The following STOX2 variants were observed in gnomAD, a reference collection of about 807,000 sequenced individuals.
The protein encoded by STOX2 is storkhead box 2, also known as storkhead-box protein 2.
In STOX2, 28 loss-of-function variants were observed where a neutral mutation model predicts 60.9. The observed-to-expected ratio is 0.46, with a 90% CI of 0.34 to 0.63. STOX2 has a LOEUF of 0.63. STOX2 is among the 30% of genes least tolerant of loss of function. STOX2 has a pLI of 0.01. For missense variants in STOX2, 1,024 were observed against 1,187.7 expected (o/e 0.86, Z 2.03); for synonymous variants, 472 against 463.9 (o/e 1.02, Z -0.22).
At chr4:183,936,194 G>C (rs972102808) in intron 1 of STOX2, among the ~76,000 whole-genome samples, 8 of 150,918 alleles carry the variant, frequency 5.3e-5, no homozygotes, top group African/African-American at 2.0e-4. Context: ...CTTCCTCCAA[G>C]CCTTGGCAAA....
intron 1 of STOX2, among the ~76,000 whole-genome samples, chr4:183,838,823 C>T (rs1325130155): frequency 6.6e-6 from 1 of 152,196 alleles, no homozygotes; most frequent in Non-Finnish European, 1.5e-5. Context: ...TTTGTTCTGC[C>T]TCCACCTCCT....
chr4:184,010,341 G>A lies in STOX2; in HGVS notation c.1503G>A (p.Leu501=). Residue 501 remains leucine, a synonymous_variant, in exon 3 of 4, where the codon CTG becomes CTA. Coordinates refer to ENST00000308497, the MANE Select transcript of STOX2 (RefSeq NM_020225.3). The surrounding 1 kb of genome is among the most constrained non-coding windows in gnomAD (Gnocchi z 4.5). ...SRSMDNSKGP[L]GASSLGTPED... ...CGATGGATAACTCCAAAGGCCCTCT[G>A]GGTGCTTCTTCTCTAGGGACGCCGG... The A allele has an allele frequency of 6.2e-7, 1 of 1,609,896 alleles. No individual in the cohort carries two copies. Among genetic ancestry groups the A allele is most frequent in the South Asian group, 1.1e-5 (1 of 90,108 alleles).
chr4:183,970,138 A>ACG (rs1352441977), intron 1 of STOX2, among the ~76,000 whole-genome samples: 1 of 39,794 alleles, frequency 2.5e-5, no homozygotes, highest in Non-Finnish European at 5.2e-5. Flanking sequence ...AACTACATGT[A>ACG]CGTGTGTGTG....
chr4:183,904,593 T>C (rs776148011), upstream of STOX2, among the ~76,000 whole-genome samples: 7 of 152,254 alleles, frequency 4.6e-5, no homozygotes, highest in Non-Finnish European at 8.8e-5. Context: ...ACATTTTGAT[T>C]ATGTAAATAT....
At chr4:183,845,006 A>T (rs527341752) in intron 1 of STOX2, among the ~76,000 whole-genome samples, 5 of 152,392 alleles carry the variant, frequency 3.3e-5, no homozygotes, top group South Asian at 2.1e-4. Flanking sequence ...CATAGAAAAC[A>T]TAATAGTCTC....
chr4:183,938,929 A>G (rs7663956), intron 1 of STOX2, among the ~76,000 whole-genome samples: 3 of 151,896 alleles, frequency 2.0e-5, no homozygotes, highest in Non-Finnish European at 4.4e-5. Context: ...AAAATAAAAA[A>G]TTTGTAAAGT....
intron 1 of STOX2, among the ~76,000 whole-genome samples, chr4:183,833,959 G>A (rs1427268689): frequency 4.2e-4 from 60 of 141,386 alleles, no homozygotes; most frequent in African/African-American, 1.5e-3. Context: ...TCCAGCCTGG[G>A]CGACAGAGTG....
intron 1 of STOX2, among the ~76,000 whole-genome samples, chr4:183,895,517 C>T (rs1018983487): frequency 2.0e-5 from 3 of 152,140 alleles, no homozygotes; most frequent in Middle Eastern, 3.2e-3. Context: ...ACATTGCTAA[C>T]GCTCAGTCTC....
At chr4:183,936,278 A>G (rs1742587883) in intron 1 of STOX2, among the ~76,000 whole-genome samples, 2 of 152,192 alleles carry the variant, frequency 1.3e-5, no homozygotes, top group African/African-American at 4.8e-5. Context: ...TGGGGAAGCT[A>G]TAGCCTCGTG....
Position 184,009,338 on chromosome 4 carries a change from G to A in STOX2, c.500G>A (p.Arg167Gln), listed in dbSNP as rs761675581. 5.0e-6 allele frequency: 8 copies of A among 1,613,710 alleles called. No individual in the cohort carries two copies. The highest frequency in any genetic ancestry group is 3.3e-5 in the Admixed American group (2 of 59,988). Reference sequence around the variant, plus strand: ...CATTTGGACGAGAGGATACCTGACCGGTCTCAGTGCACCTCTCCGCAACCC... The same window carrying A: ...CATTTGGACGAGAGGATACCTGACCAGTCTCAGTGCACCTCTCCGCAACCC... Reference protein sequence around the residue: ...WYHLDERIPDRSQCTSPQPGT... With the variant: ...WYHLDERIPDQSQCTSPQPGT... Residue 167 changes from arginine to glutamine, a missense_variant, in exon 3 of 4, where the codon CGG becomes CAG. Physicochemically the swap from Arg to Gln is conservative, Grantham distance 43. Coordinates refer to ENST00000308497, the MANE Select transcript of STOX2 (RefSeq NM_020225.3). This position sits in a 1 kb window ranked among gnomAD's most constrained non-coding sequence, Gnocchi z 4.0.
chr4:184,006,152 G>A lies in STOX2; in HGVS notation c.320-3006G>A, dbSNP rs143176928. 2.6e-3 allele frequency among the ~76,000 whole-genome samples: 389 copies of A among 152,190 alleles called. 1 individual carries two copies. Among genetic ancestry groups the A allele is most frequent in the African/African-American group, 9.0e-3 (374 of 41,532 alleles). ...AATTCTATAATAAAATTAAACTTTTGCTTTATAGTAATAGCTATTTTTATG... is the reference window on the plus strand; with the variant it reads ...AATTCTATAATAAAATTAAACTTTTACTTTATAGTAATAGCTATTTTTATG... On this transcript the variant is annotated intron_variant, in intron 2 of 3. Transcript: ENST00000308497.
intron 1 of STOX2, among the ~76,000 whole-genome samples, chr4:183,977,563 G>GTGTGTGTGTGTGTGTGTGTT (rs1321738183): frequency 6.6e-6 from 1 of 151,968 alleles, no homozygotes; most frequent in Admixed American, 6.6e-5. Flanking sequence ...GTGTGTGTGT[G>GTGTGTGTGTGTGTGTGTGTT]TATCACATTT....
chr4:183,898,768 A>C (rs1741397257), intron 1 of STOX2, among the ~76,000 whole-genome samples: 1 of 152,174 alleles, frequency 6.6e-6, no homozygotes, highest in African/African-American at 2.4e-5. Context: ...AGTGGCAAGC[A>C]TGAAACCAAA....
chr4:183,962,317 A>G (rs892186346), intron 1 of STOX2, among the ~76,000 whole-genome samples: 1 of 152,088 alleles, frequency 6.6e-6, no homozygotes, highest in Non-Finnish European at 1.5e-5. Context: ...GTAACTATAT[A>G]GTAATCGTTT....
At chr4:183,879,602 G>A (rs916716790) in intron 1 of STOX2, among the ~76,000 whole-genome samples, 1 of 152,158 alleles carries the variant, frequency 6.6e-6, no homozygotes, top group Non-Finnish European at 1.5e-5. Context: ...CAGATGCCTC[G>A]CGTTGGTGTG....
rs148335728 is a variant in STOX2, at chr4:183,823,121, C to T, written c.364+25066C>T. On this transcript the variant is annotated intron_variant, in intron 1 of 2. Transcript: ENST00000513034. Reference sequence around the variant, plus strand: ...TTTTAAAACTATCACTTGGGCTGAGCGTGGTGGCTCACACCTGTAATCCCA... The same window carrying T: ...TTTTAAAACTATCACTTGGGCTGAGTGTGGTGGCTCACACCTGTAATCCCA... Among the ~76,000 whole-genome samples, 426 of 152,332 alleles carry T rather than the reference C, an allele frequency of 2.8e-3. 7 individuals carry two copies. The highest frequency in any genetic ancestry group is 7.6e-3 in the African/African-American group (316 of 41,578).
At chr4:183,916,759 T>A (rs1437811739) in intron 1 of STOX2, among the ~76,000 whole-genome samples, 1 of 152,188 alleles carries the variant, frequency 6.6e-6, no homozygotes, top group African/African-American at 2.4e-5. Flanking sequence ...GCACAGAAGC[T>A]ACACAAAAAA....
intron 1 of STOX2, among the ~76,000 whole-genome samples, chr4:183,857,079 G>T (rs201776587): frequency 1.3e-5 from 2 of 152,120 alleles, no homozygotes; most frequent in East Asian, 3.9e-4. Context: ...CTTCTGCCTG[G>T]TAGGATTGGT....
intron 1 of STOX2, among the ~76,000 whole-genome samples, chr4:183,896,173 G>A (rs565140844): frequency 6.6e-6 from 1 of 152,236 alleles, no homozygotes; most frequent in South Asian, 2.1e-4. Flanking sequence ...GCGAGAACTT[G>A]GGTATTTATA....
Sources: gnomAD v4.1 joint callset for allele counts (sites outside exome capture counted in the v4.1 genomes callset) on GRCh38, gnomAD v4.1.1 for gene constraint, Gnocchi (gnomAD v3.1) non-coding constraint, MANE v1.5 for transcripts, NCBI Gene and HGNC (gene_info 2026-07-23, HGNC 2026-07-21) for gene names.